Variants in NFIC observed in about 807,000 individuals in gnomAD.
NFIC encodes the protein nuclear factor 1 C-type.
Under a neutral mutation model 54.4 loss-of-function variants are expected in NFIC, and 12 were observed. That is an observed-to-expected ratio of 0.22 (90% confidence interval 0.14 to 0.36). The LOEUF (loss-of-function observed/expected upper bound fraction) is 0.36, where lower values mean the gene tolerates loss of function less well. NFIC is among the 10% of genes least tolerant of loss of function. The pLI is 1.00. For missense variants in NFIC, 575 were observed against 718.2 expected (o/e 0.80, Z 2.28); for synonymous variants, 322 against 319.2 (o/e 1.01, Z -0.09).
Position 3,452,371 on chromosome 19 carries a change from A to G in NFIC, c.1085-111A>G. On this transcript the variant is annotated intron_variant, in intron 7 of 10. Coordinates refer to ENST00000443272, the MANE Select transcript of NFIC (RefSeq NM_001245002.2). This position sits in a 1 kb window ranked among gnomAD's most constrained non-coding sequence, Gnocchi z 5.3. ...GGTTTTTTTGGTGGTTATTGTTACT[A>G]AACGCACTGAGATGCCGGCAGGAAT... 1.4e-6 allele frequency: 2 copies of G among 1,393,818 alleles called. No homozygotes were observed. Among genetic ancestry groups the G allele is most frequent in the African/African-American group, 2.8e-5 (2 of 70,476 alleles). The allele number at this position is 1,393,818 out of a possible 1,614,324, so 86.3% of individuals were successfully genotyped here.
rs2082502927 is a variant in NFIC at position 3,453,636 on chromosome 19, C to T, written c.1270-127C>T. The T allele has an allele frequency of 2.3e-6, 3 of 1,310,394 alleles. No individual in the cohort carries two copies. Among genetic ancestry groups the T allele is most frequent in the Non-Finnish European group, 3.1e-6 (3 of 983,336 alleles). The allele number at this position is 1,310,394 out of a possible 1,614,324, so 81.2% of individuals were successfully genotyped here. On this transcript the variant is annotated intron_variant, in intron 8 of 10. Coordinates refer to ENST00000443272, the MANE Select transcript of NFIC (RefSeq NM_001245002.2). This position sits in a 1 kb window ranked among gnomAD's most constrained non-coding sequence, Gnocchi z 6.7. Reference sequence around the variant, plus strand: ...ACCCACCAAACCCGCCATGGTCACACCCGCGCCCTGGCCCCCCAGCCTGCC... The same window carrying T: ...ACCCACCAAACCCGCCATGGTCACATCCGCGCCCTGGCCCCCCAGCCTGCC...
At chr19:3,451,359 A>G (rs1347536151) in intron 7 of NFIC, among the ~76,000 whole-genome samples, 1 of 152,136 alleles carries the variant, frequency 6.6e-6, no homozygotes, top group Admixed American at 6.5e-5. Flanking sequence ...TAGGCCGGGC[A>G]CAGTGGCTCA....
intron 9 of NFIC, 84 bp from the exon 10 acceptor site, chr19:3,456,466 G>A (rs934485383): frequency 1.1e-5 from 15 of 1,336,604 alleles, no homozygotes; most frequent in East Asian, 5.0e-5. Context: ...GACGCCTGGC[G>A]GTGGCCACCC....
chr19:3,368,348 G>A (rs916064548), intron 1 of NFIC, among the ~76,000 whole-genome samples: 2 of 152,152 alleles, frequency 1.3e-5, no homozygotes, highest in Non-Finnish European at 2.9e-5. Flanking sequence ...GGGTGGGTTG[G>A]GGGTTAGTAA....
At chr19:3,425,042 AC>A in intron 2 of NFIC, 63 bp from the exon 3 acceptor site, 1 of 1,570,178 alleles carries the variant, frequency 6.4e-7, no homozygotes, top group Non-Finnish European at 8.7e-7. Flanking sequence ...CAGCATCGAC[AC>A]TTCATCTGCT....
chr19:3,377,912 A>G (rs2081136102), intron 1 of NFIC, among the ~76,000 whole-genome samples: 1 of 151,910 alleles, frequency 6.6e-6, no homozygotes, highest in Non-Finnish European at 1.5e-5. Context: ...GCGCACCACA[A>G]AAATTATGCC....
rs1014010611 is a variant in NFIC, at chr19:3,453,965, G to A, written c.1423+49G>A. The A allele has an allele frequency of 1.7e-5, 25 of 1,457,720 alleles. No individual in the cohort carries two copies. Among genetic ancestry groups the A allele is most frequent in the Non-Finnish European group, 2.2e-5 (24 of 1,110,962 alleles). 90.3% of individuals were successfully genotyped at this position (1,457,720 alleles called of 1,614,324 possible). Reference sequence around the variant, plus strand: ...CTGGTGGGGCGGATGTCCGCAGGGGGGCCTGTCCCCTCCCCAGCCCCACTG... The same window carrying A: ...CTGGTGGGGCGGATGTCCGCAGGGGAGCCTGTCCCCTCCCCAGCCCCACTG... On this transcript the variant is annotated intron_variant, in intron 9 of 10. Transcript: ENST00000443272. The surrounding 1 kb of genome is among the most constrained non-coding windows in gnomAD (Gnocchi z 6.7).
In NFIC at chr19:3,453,801, C is replaced by T. The variant is rs996755567; in HGVS notation, c.1308C>T (p.Cys436=). 6.2e-6 allele frequency: 10 copies of T among 1,606,130 alleles called. No homozygotes were observed. The African/African-American group carries it at 1.2e-4, about 19-fold the overall frequency. The change falls in exon 9 of 11, where the codon TGC becomes TGT. Residue 436 remains cysteine, a synonymous_variant. Coordinates refer to ENST00000443272, the MANE Select transcript of NFIC (RefSeq NM_001245002.2). This position sits in a 1 kb window ranked among gnomAD's most constrained non-coding sequence, Gnocchi z 6.7. The stretch of plus-strand genomic sequence containing the variant: ...GTCAGCTCAAAATGCCCAGCCACTG[C>T]CTTTCTGCTCAGATGCTGGCACCTC... ...GSGQLKMPSH[C]LSAQMLAPPP...
intron 2 of NFIC, among the ~76,000 whole-genome samples, chr19:3,389,427 G>A (rs889136781): frequency 3.3e-5 from 5 of 152,160 alleles, no homozygotes; most frequent in East Asian, 1.9e-4. Context: ...AAAGCCTCCC[G>A]TCCTCTTCTG....
At chr19:3,435,304 A>C in intron 6 of NFIC, 97 bp downstream of exon 6, 3 of 1,429,896 alleles carry the variant, frequency 2.1e-6, no homozygotes, top group Admixed American at 2.7e-5. Context: ...GCCGCGGGGC[A>C]GGAAGCCGGC....
intron 2 of NFIC, among the ~76,000 whole-genome samples, chr19:3,394,523 A>ACCCCCCC (rs1387633539): frequency 3.1e-4 from 16 of 51,154 alleles, no homozygotes; most frequent in Non-Finnish European, 4.1e-4. Flanking sequence ...TTCCCCACCC[A>ACCCCCCC]CCCCCCACCC....
At chr19:3,368,594 C>A (rs951765578) in intron 1 of NFIC, among the ~76,000 whole-genome samples, 1 of 152,174 alleles carries the variant, frequency 6.6e-6, no homozygotes, top group Non-Finnish European at 1.5e-5. Flanking sequence ...GTCCCAAGTG[C>A]AGGGGGCTCC....
At chr19:3,376,588 G>C (rs971126493) in intron 1 of NFIC, among the ~76,000 whole-genome samples, 9 of 151,934 alleles carry the variant, frequency 5.9e-5, no homozygotes, top group Admixed American at 2.0e-4. Flanking sequence ...ATAAAAATTA[G>C]CCAGACATGG....
chr19:3,431,795 C>T (rs901456319), intron 3 of NFIC, among the ~76,000 whole-genome samples: 3 of 152,196 alleles, frequency 2.0e-5, no homozygotes, highest in Non-Finnish European at 4.4e-5. Flanking sequence ...TGAGCCACCA[C>T]GCCCGGCATC....
intron 2 of NFIC, among the ~76,000 whole-genome samples, chr19:3,396,471 CAAAAAAAAAA>C (rs60749462): frequency 1.8e-5 from 1 of 55,522 alleles, no homozygotes; most frequent in African/African-American, 5.6e-5. Context: ...GACTCCGTCT[CAAAAAAAAAA>C]AAAAAAAAAA....
chr19:3,441,963 G>T (rs953381669), intron 6 of NFIC, among the ~76,000 whole-genome samples: 1 of 152,202 alleles, frequency 6.6e-6, no homozygotes, highest in Non-Finnish European at 1.5e-5. Context: ...GGGTTAAGCT[G>T]ATTAGAGCAG....
In NFIC at chr19:3,382,240, C is replaced by G; in HGVS notation, c.559C>G (p.Arg187Gly). The change falls in exon 2 of 11, where the codon CGA becomes GGA. Residue 187 changes from arginine to glycine, a missense_variant. Around this residue, in one of 3 missense-constraint regions of NFIC, gnomAD observed 447 missense variants for 526.9 expected, o/e 0.85. Coordinates refer to ENST00000443272, the MANE Select transcript of NFIC (RefSeq NM_001245002.2). ...CTACCTGGCCTACTTCGTGCGTGAG[C>G]GAGGTGAGGTGTGGTGGCCTGAGCG... ...DLYLAYFVRE[R>G]DAEQSGSPRT... The G allele has an allele frequency of 1.3e-6, 2 of 1,599,752 alleles. No homozygotes were observed. The highest frequency in any genetic ancestry group is 1.3e-5 in the African/African-American group (1 of 75,004).
intron 2 of NFIC, among the ~76,000 whole-genome samples, chr19:3,383,445 C>G (rs779861725): frequency 6.6e-6 from 1 of 152,168 alleles, no homozygotes; most frequent in African/African-American, 2.4e-5. Context: ...CCTCTGGTCC[C>G]GGTGCTAAGA....
At chr19:3,367,499 G>A (rs2080917129) in intron 1 of NFIC, among the ~76,000 whole-genome samples, 1 of 150,488 alleles carries the variant, frequency 6.6e-6, no homozygotes, top group Non-Finnish European at 1.5e-5. Context: ...TCCCCCTCCC[G>A]TAGCCTCTCA....
Sources: allele counts gnomAD v4.1 joint callset (sites outside exome capture counted in the v4.1 genomes callset), GRCh38; gene constraint gnomAD v4.1.1; regional missense constraint gnomAD v4.1.1; non-coding constraint Gnocchi (gnomAD v3.1); transcripts MANE v1.5; gene names NCBI Gene and HGNC (gene_info 2026-07-23, HGNC 2026-07-21).